Variants in STRN observed in about 807,000 individuals in gnomAD.
STRN encodes striatin, also known as protein phosphatase 2 regulatory subunit B'''alpha.
STRN carries 53 observed loss-of-function variants against 96.3 expected under a neutral mutation model. The observed-to-expected ratio is 0.55, with a 90% confidence interval of 0.44 to 0.69. The LOEUF is 0.69. STRN is among the 30% of genes least tolerant of loss of function. The probability of loss-of-function intolerance (pLI) is 0.00; values close to 1 mark genes in which losing one functional copy is unlikely to be tolerated. For missense variants in STRN, 987 were observed against 963.9 expected, an observed-to-expected ratio of 1.02 and a Z score of -0.32; for synonymous variants, 428 against 355.9, an observed-to-expected ratio of 1.20 and a Z score of -2.28.
At chr2:36,937,153 G>A (rs531402067) in intron 1 of STRN, among the ~76,000 whole-genome samples, 1 of 152,160 alleles carries the variant, frequency 6.6e-6, no homozygotes, top group African/African-American at 2.4e-5. Context: ...AGATAAGCCT[G>A]ACCAACATGG....
chr2:36,934,012 TGAGG>T (rs2148243724), intron 1 of STRN, among the ~76,000 whole-genome samples: 1 of 152,128 alleles, frequency 6.6e-6, no homozygotes, highest in South Asian at 2.1e-4. Context: ...CTCTGGAGGC[TGAGG>T]AAGAATGGCG....
At chr2:36,910,205 C>A (rs1483406810) in intron 3 of STRN, among the ~76,000 whole-genome samples, 1 of 148,658 alleles carries the variant, frequency 6.7e-6, no homozygotes, top group Non-Finnish European at 1.5e-5. Flanking sequence ...CTTTTTCAGA[C>A]ATACATAAGC....
At chr2:36,922,410 T>C (rs972518991) in intron 2 of STRN, among the ~76,000 whole-genome samples, 21 of 151,548 alleles carry the variant, frequency 1.4e-4, no homozygotes, top group African/African-American at 5.1e-4. Flanking sequence ...TCCCAGCCAC[T>C]TGGGAGGCTG....
chr2:36,880,036 A>G (rs1395025467), intron 9 of STRN, among the ~76,000 whole-genome samples: 3 of 151,872 alleles, frequency 2.0e-5, no homozygotes, highest in Non-Finnish European at 2.9e-5. Flanking sequence ...GTGTGATCTC[A>G]GCTCACTGCA....
chr2:36,948,903 G>A (rs1294287920), intron 1 of STRN, among the ~76,000 whole-genome samples: 2 of 152,088 alleles, frequency 1.3e-5, no homozygotes, highest in Non-Finnish European at 2.9e-5. Context: ...AACCTTTTGA[G>A]CAATGACAAA....
rs1667874935 is a variant in STRN at position 36,838,642 on chromosome 2, A to C, written c.*10814T>G. 1.3e-5 allele frequency among the ~76,000 whole-genome samples: 2 copies of C among 152,164 alleles called. No homozygotes were observed. The highest frequency in any genetic ancestry group is 1.3e-4 in the Admixed American group (2 of 15,272). ...GATGGAAATAAAAACTGTTCCGGCCACTTTGGGAAACAATCTGTCAATATT... is the reference window on the plus strand; with the variant it reads ...GATGGAAATAAAAACTGTTCCGGCCCCTTTGGGAAACAATCTGTCAATATT... On this transcript the variant is annotated 3_prime_UTR_variant, in exon 18 of 18. Coordinates refer to ENST00000263918, the MANE Select transcript of STRN (RefSeq NM_003162.4).
chr2:36,875,240 T>C (rs753840543), intron 10 of STRN, among the ~76,000 whole-genome samples: 1 of 152,282 alleles, frequency 6.6e-6, no homozygotes, highest in East Asian at 1.9e-4. Flanking sequence ...CCAGGCACGA[T>C]GGCTCATGCC....
chr2:36,895,856 G>A (rs374499785), intron 6 of STRN, among the ~76,000 whole-genome samples: 3 of 151,796 alleles, frequency 2.0e-5, no homozygotes, highest in African/African-American at 4.8e-5. Flanking sequence ...CCCAGGAGGC[G>A]GAGCTTGCAG....
At position 36,966,322 on chromosome 2, in the gene STRN, T is replaced by C. The variant is rs756389595; in HGVS notation, c.142A>G (p.Ser48Gly). ...AAAGAARAQY[S>G]LPGILHFLQH... is the part of the protein sequence containing the mutation. Reference sequence around the variant, plus strand: ...AGGAAGTGCAGGATCCCCGGGAGACTGTACTGGGCTCGGGCCGCCCCCGCC... The same window carrying C: ...AGGAAGTGCAGGATCCCCGGGAGACCGTACTGGGCTCGGGCCGCCCCCGCC... Residue 48 changes from serine to glycine, a missense_variant, in exon 1 of 18, where the codon AGT becomes GGT. Transcript: ENST00000263918. The C allele has an allele frequency of 1.3e-6, 2 of 1,522,412 alleles. No individual in the cohort carries two copies. The highest frequency in any genetic ancestry group is 1.8e-6 in the Non-Finnish European group (2 of 1,137,598). The allele number at this position is 1,522,412 out of a possible 1,614,324, so 94.3% of individuals were successfully genotyped here. A position where few individuals can be genotyped will look rare whatever the true frequency, so the allele number is the denominator to read the frequency against.
intron 10 of STRN, among the ~76,000 whole-genome samples, chr2:36,871,942 C>G (rs186748185): frequency 6.6e-6 from 1 of 152,274 alleles, no homozygotes; most frequent in East Asian, 1.9e-4. Context: ...AATACATCAT[C>G]CAAGGAACTA....
intron 6 of STRN, among the ~76,000 whole-genome samples, chr2:36,898,430 G>C (rs534282967): frequency 3.1e-4 from 47 of 152,322 alleles, no homozygotes; most frequent in African/African-American, 1.0e-3. Flanking sequence ...GGCTTTACCA[G>C]TAGAGTACTA....
intron 7 of STRN, among the ~76,000 whole-genome samples, chr2:36,887,633 C>A (rs1250190467): frequency 6.6e-6 from 1 of 152,044 alleles, no homozygotes. Flanking sequence ...ATATTTTTGC[C>A]ATGTGTTCAT....
chr2:36,923,269 T>C (rs1320410530), intron 2 of STRN, among the ~76,000 whole-genome samples: 2 of 151,330 alleles, frequency 1.3e-5, no homozygotes. Context: ...ACCAATATGG[T>C]GAAACCCTGT....
In STRN at chr2:36,841,604, G is replaced by A. The variant is rs558705945; in HGVS notation, c.*7852C>T. The A allele has an allele frequency of 4.6e-5, 7 of 152,204 alleles. No homozygotes were observed. In the East Asian group the frequency reaches 9.7e-4, roughly 21 times the overall value. The allele number at this position is 152,204 out of a possible 1,614,324, so 9.4% of individuals were successfully genotyped here. ...AAAAGAGAACTCACTCTGTAAAAAC[G>A]ATTCTCATATTTTTTCATGAGATTA... On this transcript the variant is annotated 3_prime_UTR_variant, in exon 18 of 18. Transcript: ENST00000263918.
At chr2:36,851,183 T>A in intron 15 of STRN, 76 bp from the exon 16 acceptor site, 1 of 1,319,410 alleles carries the variant, frequency 7.6e-7, no homozygotes, top group South Asian at 1.3e-5. Context: ...GAATTATCTA[T>A]CTAAGAGACT....
intron 1 of STRN, among the ~76,000 whole-genome samples, chr2:36,935,405 CTT>C (rs1670677133): frequency 6.6e-6 from 1 of 152,152 alleles, no homozygotes; most frequent in African/African-American, 2.4e-5. Context: ...AAAATAAGGA[CTT>C]TGGCATACTT....
At chr2:36,953,350 T>C (rs1342722287) in intron 1 of STRN, among the ~76,000 whole-genome samples, 3 of 152,122 alleles carry the variant, frequency 2.0e-5, no homozygotes, top group Admixed American at 6.5e-5. Flanking sequence ...CCTTCTTCCA[T>C]ATCAATGTTT....
chr2:36,842,205 A>C lies in STRN; in HGVS notation c.*7251T>G, dbSNP rs1273002033. 4 of 152,030 alleles carry C rather than the reference A, an allele frequency of 2.6e-5. No homozygotes were observed. The highest frequency in any genetic ancestry group is 9.7e-5 in the African/African-American group (4 of 41,384). The allele number at this position is 152,030 out of a possible 1,614,324, so 9.4% of individuals were successfully genotyped here. On this transcript the variant is annotated 3_prime_UTR_variant, in exon 18 of 18. Transcript: ENST00000263918. ...TGCTTTCCATGTGCTTTTTTTTCTT[A>C]AAGTTTTCAGTTTGGGCATATTTAA...
At position 36,843,249 on chromosome 2, in the gene STRN, T is replaced by C. The variant is rs549296547; in HGVS notation, c.*6207A>G. On this transcript the variant is annotated 3_prime_UTR_variant, in exon 18 of 18. Transcript: ENST00000263918. ...AAACAATGGTGGATAGTTTCAAGGATATCAGAAGAGATGCCTTTTAAATTT... is the reference window on the plus strand; with the variant it reads ...AAACAATGGTGGATAGTTTCAAGGACATCAGAAGAGATGCCTTTTAAATTT... Among the ~76,000 whole-genome samples the C allele has an allele frequency of 6.6e-6, 1 of 152,276 alleles. No individual in the cohort carries two copies. The highest frequency in any genetic ancestry group is 2.1e-4 in the South Asian group (1 of 4,824).
Sources: allele counts gnomAD v4.1 joint callset (sites outside exome capture counted in the v4.1 genomes callset), GRCh38; gene constraint gnomAD v4.1.1; transcripts MANE v1.5; gene names NCBI Gene and HGNC (gene_info 2026-07-23, HGNC 2026-07-21).